The following SP140 variants were observed in gnomAD, a reference collection of about 807,000 sequenced individuals.
The protein encoded by SP140 is nuclear body protein SP140.
A neutral mutation model predicts 125.0 loss-of-function variants in SP140; 81 were observed. That is an observed-to-expected ratio of 0.65 (90% CI 0.54 to 0.78). The LOEUF (loss-of-function observed/expected upper bound fraction) is 0.78. Among genes scored for constraint, SP140 ranks in the 30% least tolerant of loss-of-function variants. The probability of loss-of-function intolerance (pLI) is 0.00; values close to 1 mark genes in which losing one functional copy is unlikely to be tolerated. For synonymous variants in SP140, 312 were observed against 354.0 expected, an observed-to-expected ratio of 0.88 and a Z score of 1.33; for missense variants, 858 against 1,037.0, an observed-to-expected ratio of 0.83 and a Z score of 2.37.
At chr2:230,193,086 C>A in the SP140 span, among the ~76,000 whole-genome samples, 1 of 152,076 alleles carries the variant, frequency 6.6e-6, no homozygotes, top group African/African-American at 2.4e-5. Context: ...TTAGATTGAT[C>A]CTTTTATCAT....
chr2:230,310,319 TG>T (rs2149626459), intron 23 of SP140: 1 of 498,508 alleles, frequency 2.0e-6, no homozygotes, highest in South Asian at 2.3e-5. Flanking sequence ...GTTTTGCAGC[TG>T]GGTGGGTTGG....
chr2:230,251,087 C>T (rs2050287198), intron 10 of SP140, 26 bp downstream of exon 10: 1 of 1,596,192 alleles, frequency 6.3e-7, no homozygotes, highest in Non-Finnish European at 8.6e-7. Flanking sequence ...ATTTCTGGCC[C>T]TGGGCTGCAG....
intron 15 of SP140, among the ~76,000 whole-genome samples, chr2:230,281,315 T>A (rs907894306): frequency 6.6e-6 from 1 of 152,208 alleles, no homozygotes; most frequent in African/African-American, 2.4e-5. Flanking sequence ...GTGGTCAAGT[T>A]TGAAACATTT....
intron 22 of SP140, among the ~76,000 whole-genome samples, chr2:230,301,220 G>A (rs59805999): frequency 0.091 from 13,923 of 152,190 alleles, 829 homozygotes; most frequent in East Asian, 0.12. Flanking sequence ...AAACATATTC[G>A]CGGGAATAAT....
At chr2:230,249,555 T>C (rs1347474971) in intron 9 of SP140, among the ~76,000 whole-genome samples, 5 of 151,640 alleles carry the variant, frequency 3.3e-5, no homozygotes, top group Non-Finnish European at 7.4e-5. Flanking sequence ...GAGCATAAGA[T>C]AAAACCCAAA....
chr2:230,214,971 T>A (rs1230619513), intron 3 of SP140: 1 of 1,613,948 alleles, frequency 6.2e-7, no homozygotes. Context: ...CTTCTGTAAA[T>A]CGTCACCAGA....
chr2:230,212,845 C>T (rs200488736), intron 1 of SP140: 9 of 1,614,052 alleles, frequency 5.6e-6, no homozygotes, highest in South Asian at 2.2e-5. Flanking sequence ...AGGATCTCAT[C>T]GCTTTGCTGG....
At chr2:230,243,839 G>T (rs2049036778) in intron 5 of SP140, 28 bp downstream of exon 5, 1 of 1,494,172 alleles carries the variant, frequency 6.7e-7, no homozygotes, top group South Asian at 1.1e-5. Context: ...TGCTCTCCCT[G>T]ACCTGCAGGG....
chr2:230,259,223 T>C (rs1313541819), intron 12 of SP140, among the ~76,000 whole-genome samples: 1 of 152,188 alleles, frequency 6.6e-6, no homozygotes, highest in Non-Finnish European at 1.5e-5. Context: ...CTGCACCATA[T>C]TTGTAGTCTT....
chr2:230,252,623 T>C (rs879428319), intron 10 of SP140, among the ~76,000 whole-genome samples: 10 of 152,204 alleles, frequency 6.6e-5, no homozygotes, highest in Admixed American at 5.9e-4. Context: ...ATCAGATTAC[T>C]GGGTTGCACA....
At chr2:230,273,586 C>G (rs568104283) in intron 15 of SP140, among the ~76,000 whole-genome samples, 7 of 152,246 alleles carry the variant, frequency 4.6e-5, no homozygotes, top group Admixed American at 2.0e-4. Flanking sequence ...CCCAGCAATC[C>G]TATTACTGAG....
intron 22 of SP140, among the ~76,000 whole-genome samples, chr2:230,309,213 G>A (rs976366604): frequency 1.3e-5 from 2 of 152,312 alleles, no homozygotes; most frequent in African/African-American, 4.8e-5. Flanking sequence ...GAGGGCCTCT[G>A]TCTTCAACAC....
At chr2:230,188,918 C>T in the SP140 span, among the ~76,000 whole-genome samples, 8 of 151,932 alleles carry the variant, frequency 5.3e-5, no homozygotes, top group African/African-American at 1.7e-4. Context: ...CTATTTATTC[C>T]CAATTTAATC....
At chr2:230,239,203 C>T (rs548094404) in intron 3 of SP140, 25 of 372,318 alleles carry the variant, frequency 6.7e-5, no homozygotes, top group African/African-American at 4.9e-4. Flanking sequence ...TAGAGGAAGT[C>T]AAATACTGTG....
At chr2:230,306,440 C>T (rs1203714728) in intron 22 of SP140, among the ~76,000 whole-genome samples, 2 of 152,234 alleles carry the variant, frequency 1.3e-5, no homozygotes, top group Non-Finnish European at 2.9e-5. Flanking sequence ...AAGCAGGAGC[C>T]CTGCCTCTCC....
At chr2:230,275,700 G>A (rs1410070475) in intron 15 of SP140, among the ~76,000 whole-genome samples, 2 of 152,140 alleles carry the variant, frequency 1.3e-5, no homozygotes, top group African/African-American at 4.8e-5. Flanking sequence ...TAAATAAAAA[G>A]CTAGAAATGG....
At position 230,241,410 on chromosome 2, in the gene SP140, A is replaced by G. The variant is rs768601734; in HGVS notation, c.413A>G (p.Tyr138Cys). 5.0e-6 allele frequency: 8 copies of G among 1,587,562 alleles called. No individual in the cohort carries two copies. Among genetic ancestry groups the G allele is most frequent in the Non-Finnish European group, 6.9e-6 (8 of 1,155,960 alleles). The change falls in exon 4 of 27, where the codon TAT becomes TGT. Residue 138 changes from tyrosine (Y) to cysteine (C), a missense_variant. Tyr to Cys is a radical substitution (Grantham distance 194, BLOSUM62 -2). Around this residue, in one of 4 missense-constraint regions of SP140, gnomAD observed 791 missense variants for 869.5 expected, o/e 0.91. Coordinates refer to ENST00000392045, the MANE Select transcript of SP140 (RefSeq NM_007237.5). Reference protein sequence around the residue: ...EIYRSFQNVCYEHSPLQMNNV... With the variant: ...EIYRSFQNVCCEHSPLQMNNV... ...TTCACATTGTTTTCCTCAGTATGCTATGAACACTCACCTCTCCAAATGAAT... is the reference window on the plus strand; with the variant it reads ...TTCACATTGTTTTCCTCAGTATGCTGTGAACACTCACCTCTCCAAATGAAT...
At position 230,205,963 on chromosome 2, in the gene SP140, T is replaced by G. The variant is rs558153965; in HGVS notation, c.-323+2684T>G. ...AGGCCCATAGAGAATACACATAACATGGTGAGAGGGCATTGACTAATAAGT... is the reference window on the plus strand; with the variant it reads ...AGGCCCATAGAGAATACACATAACAGGGTGAGAGGGCATTGACTAATAAGT... On this transcript the variant is annotated intron_variant, in intron 1 of 4. Transcript: ENST00000456542. 2.6e-5 allele frequency among the ~76,000 whole-genome samples: 4 copies of G among 152,272 alleles called. No homozygotes were observed. In the East Asian group the frequency reaches 7.7e-4, roughly 29 times the overall value.
chr2:230,207,466 G>A (rs2043994699), intron 1 of SP140, among the ~76,000 whole-genome samples: 1 of 152,118 alleles, frequency 6.6e-6, no homozygotes, highest in South Asian at 2.1e-4. Flanking sequence ...TACAGTTCTT[G>A]ACAAAACACA....
Sources: allele counts gnomAD v4.1 joint callset (sites outside exome capture counted in the v4.1 genomes callset), GRCh38; gene constraint gnomAD v4.1.1; regional missense constraint gnomAD v4.1.1; transcripts MANE v1.5; gene names NCBI Gene and HGNC (gene_info 2026-07-23, HGNC 2026-07-21).